Variants in B4GALT1 observed in about 807,000 individuals in gnomAD.
B4GALT1 encodes N-acetyllactosamine synthase.
In B4GALT1, 16 loss-of-function variants were observed where a neutral mutation model predicts 34.9. That is an observed-to-expected ratio of 0.46 (90% CI 0.31 to 0.70). The LOEUF (loss-of-function observed/expected upper bound fraction) is 0.70. Ranked by LOEUF, B4GALT1 falls within the 30% of genes least tolerant of loss-of-function variation. The pLI, the probability that B4GALT1 is intolerant of heterozygous loss-of-function variation, is 0.05. For missense variants in B4GALT1, 445 were observed against 530.5 expected, an observed-to-expected ratio of 0.84 and a Z score of 1.58; for synonymous variants, 221 against 218.1, an observed-to-expected ratio of 1.01 and a Z score of -0.12.
At chr9:33,145,102 G>A (rs1162060345) in intron 1 of B4GALT1, among the ~76,000 whole-genome samples, 1 of 152,178 alleles carries the variant, frequency 6.6e-6, no homozygotes, top group African/African-American at 2.4e-5. Flanking sequence ...TGCGCCAGTT[G>A]CTCATCCATT....
intron 2 of B4GALT1, among the ~76,000 whole-genome samples, chr9:33,128,159 A>C (rs2118110832): frequency 6.6e-6 from 1 of 152,300 alleles, no homozygotes; most frequent in African/African-American, 2.4e-5. Flanking sequence ...GGAGAATAAG[A>C]AGCAGATCAG....
upstream of B4GALT1, among the ~76,000 whole-genome samples, chr9:33,169,609 C>T (rs1161002318): frequency 6.6e-6 from 1 of 151,700 alleles, no homozygotes; most frequent in Non-Finnish European, 1.5e-5. Context: ...CAACCTCTGC[C>T]TCCCGGGTTC....
intron 1 of B4GALT1, among the ~76,000 whole-genome samples, chr9:33,154,490 T>C (rs1349307660): frequency 6.6e-6 from 1 of 152,172 alleles, no homozygotes; most frequent in Non-Finnish European, 1.5e-5. Flanking sequence ...ACGGGGCATT[T>C]AGGCAAGAAA....
chr9:33,158,796 T>TCTA (rs1224617742), intron 1 of B4GALT1, among the ~76,000 whole-genome samples: 1 of 152,192 alleles, frequency 6.6e-6, no homozygotes, highest in East Asian at 1.9e-4. Context: ...CCAGAGTCTA[T>TCTA]CTACTACTAC....
At chr9:33,152,776 A>C (rs1350687637) in intron 1 of B4GALT1, among the ~76,000 whole-genome samples, 1 of 152,164 alleles carries the variant, frequency 6.6e-6, no homozygotes, top group East Asian at 1.9e-4. Context: ...TGGGAGGCTA[A>C]GGTGTGAGAA....
chr9:33,120,716 G>A, intron 2 of B4GALT1, 110 bp from the exon 3 acceptor site: 1 of 1,136,672 alleles, frequency 8.8e-7, no homozygotes, highest in South Asian at 1.3e-5. Flanking sequence ...AAACTCTTGG[G>A]CCTCACTTTT....
chr9:33,156,410 G>A (rs184161959), intron 1 of B4GALT1, among the ~76,000 whole-genome samples: 3 of 152,090 alleles, frequency 2.0e-5, no homozygotes, highest in Admixed American at 1.3e-4. Flanking sequence ...CTGGGAATAC[G>A]GGTGTGAGCC....
chr9:33,146,523 G>C (rs1192694659), intron 1 of B4GALT1, among the ~76,000 whole-genome samples: 1 of 152,138 alleles, frequency 6.6e-6, no homozygotes, highest in Non-Finnish European at 1.5e-5. Flanking sequence ...AAGTAGCCCA[G>C]GAAGAATTCC....
At position 33,122,326 on chromosome 9, in the gene B4GALT1, T is replaced by C. The variant is rs546952197; in HGVS notation, c.649-1720A>G. ...TGAGTCTAGGAGCTCGAGACCAGCCTGAGCAACATGGTGAGACTCTGCCTC... is the reference window on the plus strand; with the variant it reads ...TGAGTCTAGGAGCTCGAGACCAGCCCGAGCAACATGGTGAGACTCTGCCTC... On this transcript the variant is annotated intron_variant, in intron 2 of 5. Coordinates refer to ENST00000379731, the MANE Select transcript of B4GALT1 (RefSeq NM_001497.4). Among the ~76,000 whole-genome samples the C allele has an allele frequency of 1.8e-4, 27 of 152,136 alleles. No homozygotes were observed. The South Asian group carries it at 5.6e-3, about 32-fold the overall frequency.
At chr9:33,139,036 C>A (rs899275356) in intron 1 of B4GALT1, among the ~76,000 whole-genome samples, 1 of 152,164 alleles carries the variant, frequency 6.6e-6, no homozygotes, top group Non-Finnish European at 1.5e-5. Flanking sequence ...GCTGACAACC[C>A]ACAGAAGCCG....
intron 2 of B4GALT1, among the ~76,000 whole-genome samples, chr9:33,126,619 T>G (rs573572033): frequency 6.6e-6 from 1 of 152,262 alleles, no homozygotes; most frequent in Admixed American, 6.5e-5. Context: ...TTGTTAACCA[T>G]AGTTAACCAT....
chr9:33,128,230 G>A (rs749441673), intron 2 of B4GALT1, among the ~76,000 whole-genome samples: 32 of 152,104 alleles, frequency 2.1e-4, no homozygotes, highest in Non-Finnish European at 7.4e-5. Flanking sequence ...AAGGTAAAAG[G>A]CCCCTGCTAG....
At chr9:33,157,122 A>ACACC (rs1491349338) in intron 1 of B4GALT1, among the ~76,000 whole-genome samples, 1 of 1,130 alleles carries the variant, frequency 8.8e-4, no homozygotes, top group Non-Finnish European at 8.8e-3. Flanking sequence ...ATAGGGAACT[A>ACACC]CACACACACA....
intron 1 of B4GALT1, among the ~76,000 whole-genome samples, chr9:33,146,903 G>A (rs929602858): frequency 6.6e-6 from 1 of 152,168 alleles, no homozygotes; most frequent in Admixed American, 6.5e-5. Flanking sequence ...GTTTCGCCAT[G>A]TTGGCCAGGC....
At chr9:33,157,302 A>C (rs1840610781) in intron 1 of B4GALT1, among the ~76,000 whole-genome samples, 1 of 152,200 alleles carries the variant, frequency 6.6e-6, no homozygotes, top group Admixed American at 6.5e-5. Context: ...GTGAATCAGT[A>C]TTGTCAAGAT....
intron 5 of B4GALT1, 84 bp from the exon 6 acceptor site, chr9:33,113,670 C>T (rs1490021238): frequency 6.2e-7 from 1 of 1,608,676 alleles, no homozygotes; most frequent in African/African-American, 1.3e-5. Context: ...CCTCCCTCTC[C>T]ACTGTAACCT....
At chr9:33,108,992 G>C (rs1484832058), downstream of B4GALT1, among the ~76,000 whole-genome samples, 1 of 152,102 alleles carries the variant, frequency 6.6e-6, no homozygotes. Context: ...TCCTGACAGA[G>C]CTTCTAATCC....
intron 1 of B4GALT1, among the ~76,000 whole-genome samples, chr9:33,159,581 C>A (rs1341465760): frequency 6.6e-6 from 1 of 152,206 alleles, no homozygotes; most frequent in African/African-American, 2.4e-5. Context: ...ATTGATCTAA[C>A]CCACCTGAAT....
At chr9:33,152,560 AAAAAAAAAGGGTT>A (rs1355890242) in intron 1 of B4GALT1, among the ~76,000 whole-genome samples, 2 of 151,818 alleles carry the variant, frequency 1.3e-5, no homozygotes, top group East Asian at 3.9e-4. Flanking sequence ...AAAGGGTAAA[AAAAAAAAAGGGTT>A]AAAAAAAAGA....
Sources: allele counts gnomAD v4.1 joint callset (sites outside exome capture counted in the v4.1 genomes callset), GRCh38; gene constraint gnomAD v4.1.1; transcripts MANE v1.5; gene names NCBI Gene and HGNC (gene_info 2026-07-23, HGNC 2026-07-21).